Variants in NELL1 observed in about 807,000 individuals in gnomAD.
NELL1 encodes the protein protein kinase C-binding protein NELL1.
In NELL1, 76 loss-of-function variants were observed where a neutral mutation model predicts 107.4. The ratio of observed to expected loss-of-function variants is 0.71; its 90% CI spans 0.59 to 0.86. The LOEUF (loss-of-function observed/expected upper bound fraction) is 0.86, where lower values mean the gene tolerates loss of function less well. Ranked by LOEUF, NELL1 falls within the 40% of genes least tolerant of loss-of-function variation. The probability of loss-of-function intolerance (pLI) is 0.00; values close to 1 mark genes in which losing one functional copy is unlikely to be tolerated. For synonymous variants in NELL1, 353 were observed against 341.2 expected (o/e 1.03, Z -0.38); for missense variants, 1,024 against 1,005.5 (o/e 1.02, Z -0.25).
At chr11:21,514,611 C>T (rs1855513166) in intron 15 of NELL1, among the ~76,000 whole-genome samples, 1 of 152,092 alleles carries the variant, frequency 6.6e-6, no homozygotes, top group Non-Finnish European at 1.5e-5. Context: ...TGCCAGGCAT[C>T]CAGATTCTTA....
intron 9 of NELL1, among the ~76,000 whole-genome samples, chr11:20,932,220 T>TA (rs1219087401): frequency 6.6e-6 from 1 of 152,148 alleles, no homozygotes; most frequent in African/African-American, 2.4e-5. Context: ...CACCTAGACC[T>TA]ACATAATCAC....
chr11:21,481,597 A>AGCTG (rs1428460909), intron 15 of NELL1, among the ~76,000 whole-genome samples: 1 of 152,246 alleles, frequency 6.6e-6, no homozygotes, highest in Non-Finnish European at 1.5e-5. Context: ...TAGATATTAA[A>AGCTG]GCTGGAGTCA....
At chr11:20,799,691 T>C (rs1857244284) in intron 3 of NELL1, among the ~76,000 whole-genome samples, 1 of 151,952 alleles carries the variant, frequency 6.6e-6, no homozygotes, top group Non-Finnish European at 1.5e-5. Context: ...GTATTATTAC[T>C]ATTATTTTTA....
chr11:20,844,832 A>G (rs1279607276), intron 3 of NELL1, among the ~76,000 whole-genome samples: 2 of 152,232 alleles, frequency 1.3e-5, no homozygotes. Context: ...CTGAATTTCC[A>G]CAGGTGATGC....
intron 13 of NELL1, among the ~76,000 whole-genome samples, chr11:21,225,937 G>A (rs1857881723): frequency 1.3e-5 from 2 of 152,046 alleles, no homozygotes; most frequent in Admixed American, 1.3e-4. Flanking sequence ...AGAGAGGTTG[G>A]GTAACTTACT....
In NELL1 at chr11:21,565,042, G is replaced by C. The variant is rs112811010; in HGVS notation, c.1980+4660G>C. Among the ~76,000 whole-genome samples the C allele has an allele frequency of 1.3e-3, 200 of 152,030 alleles. 4 individuals carry two copies. Among genetic ancestry groups the C allele is most frequent in the African/African-American group, 4.0e-3 (167 of 41,522 alleles). On this transcript the variant is annotated intron_variant, in intron 17 of 19. Transcript: ENST00000357134. ...CAGGAAGAAGCCAGGGAACAGTCTGGTCTGTGCCTGGGGCCAGGATAGAAG... is the reference window on the plus strand; with the variant it reads ...CAGGAAGAAGCCAGGGAACAGTCTGCTCTGTGCCTGGGGCCAGGATAGAAG...
chr11:20,726,095 C>T (rs1855501975), intron 2 of NELL1, among the ~76,000 whole-genome samples: 1 of 152,164 alleles, frequency 6.6e-6, no homozygotes, highest in Admixed American at 6.5e-5. Context: ...TTTATGACTG[C>T]ATAATATTCC....
chr11:20,968,537 G>A (rs1368101847), intron 12 of NELL1, among the ~76,000 whole-genome samples: 1 of 152,186 alleles, frequency 6.6e-6, no homozygotes, highest in Non-Finnish European at 1.5e-5. Context: ...AACGCTGTGT[G>A]TTAACTTTAT....
chr11:20,923,287 G>A (rs1850420733), intron 7 of NELL1, among the ~76,000 whole-genome samples: 1 of 152,154 alleles, frequency 6.6e-6, no homozygotes, highest in East Asian at 1.9e-4. Flanking sequence ...TCCTTTTAGG[G>A]TTAGGCATGC....
At chr11:21,142,508 G>A (rs1226270613) in intron 13 of NELL1, among the ~76,000 whole-genome samples, 1 of 152,204 alleles carries the variant, frequency 6.6e-6, no homozygotes, top group African/African-American at 2.4e-5. Flanking sequence ...TGGGACAGAG[G>A]TTTCCATTTT....
At chr11:20,689,362 G>T (rs938053004) in intron 2 of NELL1, among the ~76,000 whole-genome samples, 1 of 151,126 alleles carries the variant, frequency 6.6e-6, no homozygotes, top group Non-Finnish European at 1.5e-5. Flanking sequence ...GTATACATGT[G>T]TCATGCTGGT....
At chr11:20,972,671 G>A (rs1298826156) in intron 12 of NELL1, among the ~76,000 whole-genome samples, 1 of 152,154 alleles carries the variant, frequency 6.6e-6, no homozygotes, top group African/African-American at 2.4e-5. Context: ...AGTGTTGAGC[G>A]CAGAGAGAAA....
At chr11:21,521,888 A>T (rs1034210633) in intron 15 of NELL1, among the ~76,000 whole-genome samples, 1 of 152,210 alleles carries the variant, frequency 6.6e-6, no homozygotes, top group African/African-American at 2.4e-5. Flanking sequence ...ACTTTTGGTC[A>T]TTCATATGTC....
intron 15 of NELL1, among the ~76,000 whole-genome samples, chr11:21,528,031 A>G (rs1029155303): frequency 1.3e-5 from 2 of 152,188 alleles, no homozygotes; most frequent in Admixed American, 1.3e-4. Context: ...GTCCAATCAA[A>G]TTGACACTCA....
rs572295552 is a variant in NELL1 at position 21,091,265 on chromosome 11, T to G, written c.1301-22324T>G. Among the ~76,000 whole-genome samples, 3 of 152,282 alleles carry G rather than the reference T, an allele frequency of 2.0e-5. No individual in the cohort carries two copies. The South Asian group carries it at 6.2e-4, about 32-fold the overall frequency. ...CAGCCTAGATAAAGACCTCAGAACATTTTTTGAGCATTATAAAGAATGCCT... is the reference window on the plus strand; with the variant it reads ...CAGCCTAGATAAAGACCTCAGAACAGTTTTTGAGCATTATAAAGAATGCCT... On this transcript the variant is annotated intron_variant, in intron 12 of 19. Transcript: ENST00000357134.
intron 7 of NELL1, 106 bp downstream of exon 7, chr11:20,919,440 A>G (rs1850330727): frequency 3.0e-6 from 2 of 656,150 alleles, no homozygotes; most frequent in African/African-American, 1.8e-5. Context: ...GGCATCTGCT[A>G]TATGTTACTA....
chr11:21,336,296 T>A (rs1042399594), intron 14 of NELL1, among the ~76,000 whole-genome samples: 1 of 152,162 alleles, frequency 6.6e-6, no homozygotes, highest in South Asian at 2.1e-4. Flanking sequence ...AGCCTTTTTA[T>A]ATACAGTATC....
At chr11:20,998,021 T>A (rs1029138344) in intron 12 of NELL1, among the ~76,000 whole-genome samples, 5 of 152,166 alleles carry the variant, frequency 3.3e-5, no homozygotes, top group African/African-American at 7.2e-5. Flanking sequence ...ATTAAATTCT[T>A]TGTACCTATG....
intron 13 of NELL1, among the ~76,000 whole-genome samples, chr11:21,197,842 C>T (rs907214387): frequency 6.6e-6 from 1 of 152,204 alleles, no homozygotes; most frequent in African/African-American, 2.4e-5. Context: ...ACTTCTGTTT[C>T]ATATCATACC....
Sources: allele counts gnomAD v4.1 joint callset (sites outside exome capture counted in the v4.1 genomes callset), GRCh38; gene constraint gnomAD v4.1.1; transcripts MANE v1.5; gene names NCBI Gene and HGNC (gene_info 2026-07-23, HGNC 2026-07-21).